Variants in DDB2 observed in about 807,000 individuals in gnomAD.
The protein encoded by DDB2 is DNA damage-binding protein 2.
DDB2 carries 27 observed loss-of-function variants against 50.5 expected under a neutral mutation model. That is an observed-to-expected ratio of 0.53 (90% confidence interval 0.39 to 0.74). The LOEUF is 0.74. Among genes scored for constraint, DDB2 ranks in the 30% least tolerant of loss-of-function variants. The pLI is 0.00. For missense variants in DDB2, 424 were observed against 545.6 expected (o/e 0.78, Z 2.22); for synonymous variants, 176 against 205.5 (o/e 0.86, Z 1.23).
intron 1 of DDB2, 195 bp from the exon 2 acceptor site, chr11:47,216,141 T>C: frequency 1.2e-6 from 1 of 812,418 alleles, no homozygotes; most frequent in Non-Finnish European, 2.1e-6. Flanking sequence ...TGGGAGTGTT[T>C]TGGGGAAGGG....
At chr11:47,221,162 C>CTAT in intron 3 of DDB2, among the ~76,000 whole-genome samples, 1 of 151,784 alleles carries the variant, frequency 6.6e-6, no homozygotes, top group South Asian at 2.1e-4. Context: ...GACTCCATCT[C>CTAT]TCAAAAAACA....
intron 3 of DDB2, among the ~76,000 whole-genome samples, chr11:47,219,703 G>A (rs917285378): frequency 2.6e-5 from 4 of 152,134 alleles, no homozygotes; most frequent in Admixed American, 2.6e-4. Flanking sequence ...CGTCTCAGCC[G>A]AATTCTGCTT....
chr11:47,231,783 G>A (rs1953653587), intron 3 of DDB2, among the ~76,000 whole-genome samples: 1 of 152,086 alleles, frequency 6.6e-6, no homozygotes, highest in Non-Finnish European at 1.5e-5. Flanking sequence ...GTCTCCCCAG[G>A]TGTTGGGATT....
chr11:47,232,733 C>T (rs569078593), intron 3 of DDB2, 81 bp from the exon 4 acceptor site: 49 of 1,521,208 alleles, frequency 3.2e-5, no homozygotes, highest in African/African-American at 8.2e-5. Context: ...GCTTCTGTGA[C>T]GGCGCAGCAT....
In DDB2 at chr11:47,235,422, G is replaced by A. The variant is rs761726803; in HGVS notation, c.1023+10G>A. ...CCTCACACCCATCAAGGTGAGTGGC[G>A]GTGGGAAGGAGCTCGCAGAAGGAGG... is the stretch of plus-strand genomic sequence containing the variant. On this transcript the variant is annotated intron_variant, in intron 7 of 9. Transcript: ENST00000256996. 189 of 1,610,154 alleles carry A rather than the reference G, an allele frequency of 1.2e-4. No individual in the cohort carries two copies. Among genetic ancestry groups the A allele is most frequent in the Admixed American group, 2.5e-4 (15 of 59,956 alleles).
At chr11:47,224,492 C>T (rs1045093181) in intron 3 of DDB2, among the ~76,000 whole-genome samples, 17 of 152,108 alleles carry the variant, frequency 1.1e-4, no homozygotes, top group African/African-American at 3.9e-4. Context: ...TCCAGTGATC[C>T]GCCCACCTTG....
chr11:47,223,365 A>C (rs985193438), intron 3 of DDB2, among the ~76,000 whole-genome samples: 1 of 152,092 alleles, frequency 6.6e-6, no homozygotes, highest in African/African-American at 2.4e-5. Flanking sequence ...CTCACCAGTA[A>C]TCCCAGCTAC....
rs1302590203 is a variant in DDB2, at chr11:47,215,956, T to C, written c.128-380T>C. 4 of 337,376 alleles carry C rather than the reference T, an allele frequency of 1.2e-5. No individual in the cohort carries two copies. In the Admixed American group the frequency reaches 1.8e-4, roughly 15 times the overall value. 20.9% of individuals were successfully genotyped at this position (337,376 alleles called of 1,614,324 possible). On this transcript the variant is annotated intron_variant, in intron 1 of 9. Coordinates refer to ENST00000256996, the MANE Select transcript of DDB2 (RefSeq NM_000107.3). The stretch of plus-strand genomic sequence containing the variant: ...TGACTTCTGCCATGCTGCCCTAAAA[T>C]CTTTTTATTGTGCATTATATGTGAT...
At chr11:47,236,649 T>TA (rs1435951328) in intron 7 of DDB2, among the ~76,000 whole-genome samples, 1 of 152,236 alleles carries the variant, frequency 6.6e-6, no homozygotes, top group African/African-American at 2.4e-5. Flanking sequence ...TCAGTATACT[T>TA]AAAGCACTTG....
intron 8 of DDB2, 24 bp from the exon 9 acceptor site, chr11:47,238,114 A>G: frequency 6.2e-7 from 1 of 1,612,434 alleles, no homozygotes; most frequent in Non-Finnish European, 8.5e-7. Flanking sequence ...CCCTCTCCTC[A>G]TGTTGACACT....
At chr11:47,219,037 C>T (rs1473327234) in intron 3 of DDB2, among the ~76,000 whole-genome samples, 2 of 152,006 alleles carry the variant, frequency 1.3e-5, no homozygotes, top group African/African-American at 2.4e-5. Flanking sequence ...CTCCGCCTCC[C>T]GGATTCATGC....
chr11:47,218,124 T>C (rs139258155), intron 3 of DDB2, among the ~76,000 whole-genome samples: 2 of 152,350 alleles, frequency 1.3e-5, no homozygotes, highest in Non-Finnish European at 1.5e-5. Context: ...CTGGTTGTCC[T>C]TACTCATAAC....
intron 3 of DDB2, among the ~76,000 whole-genome samples, chr11:47,228,507 G>T (rs1409216245): frequency 6.6e-6 from 1 of 151,454 alleles, no homozygotes; most frequent in Non-Finnish European, 1.5e-5. Context: ...GCCAAGCATG[G>T]TAGCAGGTAC....
At chr11:47,235,144 C>G (rs907576323) in intron 6 of DDB2, 126 bp from the exon 7 acceptor site, 32 of 1,438,140 alleles carry the variant, frequency 2.2e-5, no homozygotes, top group Non-Finnish European at 2.9e-5. Flanking sequence ...CCAGATTCAC[C>G]TCTTCCTTTC....
In DDB2 at chr11:47,234,905, C is replaced by T. The variant is rs773602928; in HGVS notation, c.851C>T (p.Ser284Leu). The change falls in exon 6 of 10, where the codon TCG becomes TTG. Residue 284 changes from serine (S) to leucine (L), a missense_variant. Transcript: ENST00000256996. ...QVRGKASFLY[S>L]LPHRHPVNAA... is the part of the protein sequence containing the mutation. The stretch of plus-strand genomic sequence containing the variant: ...AGAGGGAAAGCCAGCTTCCTCTACT[C>T]GCTGCCGCACAGGCATCCTGTCAAC... The T allele has an allele frequency of 3.1e-6, 5 of 1,614,216 alleles. No homozygotes were observed. The highest frequency in any genetic ancestry group is 1.6e-4 in the Middle Eastern group (1 of 6,062).
At chr11:47,226,007 T>G (rs189499095) in intron 3 of DDB2, among the ~76,000 whole-genome samples, 121 of 152,354 alleles carry the variant, frequency 7.9e-4, no homozygotes, top group Non-Finnish European at 1.0e-3. Flanking sequence ...TATCTGTTTA[T>G]TAATTGACAG....
At chr11:47,223,155 A>G (rs149392439) in intron 3 of DDB2, among the ~76,000 whole-genome samples, 2 of 152,352 alleles carry the variant, frequency 1.3e-5, no homozygotes, top group Non-Finnish European at 2.9e-5. Flanking sequence ...TGCATACAAT[A>G]TATTTGTTCA....
At chr11:47,214,913 C>A, upstream of DDB2, 1 of 616,030 alleles carries the variant, frequency 1.6e-6, no homozygotes, top group Non-Finnish European at 2.8e-6. Flanking sequence ...CCCCTCCCCG[C>A]GCCCCCGCCT....
chr11:47,217,468 T>G (rs1838818193), intron 3 of DDB2: 1 of 153,716 alleles, frequency 6.5e-6, no homozygotes. Flanking sequence ...CCAGTAATCA[T>G]CAGGAAGAGG....
Sources: gnomAD v4.1 joint callset for allele counts (sites outside exome capture counted in the v4.1 genomes callset) on GRCh38, gnomAD v4.1.1 for gene constraint, MANE v1.5 for transcripts, NCBI Gene and HGNC (gene_info 2026-07-23, HGNC 2026-07-21) for gene names.